The following CDKN2A variants were observed in gnomAD, a reference collection of about 807,000 sequenced individuals.
The protein encoded by CDKN2A is cyclin dependent kinase inhibitor 2A.
CDKN2A carries 3 observed loss-of-function variants against 11.1 expected under a neutral mutation model. That is an observed-to-expected ratio of 0.27 (90% CI 0.12 to 0.70). The LOEUF is 0.70. Among genes scored for constraint, CDKN2A ranks in the 30% least tolerant of loss-of-function variants. The pLI is 0.77. For missense variants in CDKN2A, 265 were observed against 233.6 expected (o/e 1.13, Z -0.88); for synonymous variants, 122 against 108.1 (o/e 1.13, Z -0.80).
At chr9:21,989,619 G>C (rs997518722) in intron 2 of CDKN2A, 2 of 152,160 alleles carry the variant, frequency 1.3e-5, no homozygotes, top group African/African-American at 4.8e-5. Flanking sequence ...GTTCCTCCGG[G>C]TAACCCTGAC....
At position 21,983,387 on chromosome 9, in the gene CDKN2A, G is replaced by A. The variant is rs576314872; in HGVS notation, c.-4+10495C>T. Among the ~76,000 whole-genome samples, 10 of 151,998 alleles carry A rather than the reference G, an allele frequency of 6.6e-5. No individual in the cohort carries two copies. The South Asian group carries it at 1.9e-3, about 28-fold the overall frequency. ...TGTGAATATTATGCAATTTTGAAAT[G>A]AGCTTTTTCTAACTTATTACAGCAT... On this transcript the variant is annotated intron_variant, in intron 2 of 3. Coordinates refer to the CDKN2A transcript ENST00000494262.
chr9:21,985,410 A>G (rs921666033), intron 2 of CDKN2A, among the ~76,000 whole-genome samples: 1 of 151,962 alleles, frequency 6.6e-6, no homozygotes, highest in Non-Finnish European at 1.5e-5. Flanking sequence ...TAAGGATGAC[A>G]GTAATGTTTC....
At chr9:21,986,402 T>C (rs888986012) in intron 2 of CDKN2A, among the ~76,000 whole-genome samples, 2 of 152,060 alleles carry the variant, frequency 1.3e-5, no homozygotes, top group Admixed American at 1.3e-4. Flanking sequence ...CTGTGACTTA[T>C]ACGGCTGATG....
chr9:21,974,880 G>A (rs1213704914), upstream of CDKN2A: 4 of 1,470,362 alleles, frequency 2.7e-6, no homozygotes, highest in Admixed American at 2.6e-5. This position sits in a 1 kb window ranked among gnomAD's most constrained non-coding sequence, Gnocchi z 5.2. Context: ...GCCGCCGAGC[G>A]CACGCGGTCC....
In CDKN2A at chr9:21,974,695, CG is replaced by C. The variant is rs1131691187; in HGVS notation, c.132del (p.Tyr44Ter). ...CTACCCACCTGGATCGGCCTCCGAC[CG>C]TAACTATTCGGTGCGTTGGGCAGCG... Reference protein sequence around the residue: ...AGALPNAPNSYGRRPIQVMMM... With the variant: ...AGALPNAPNSXGRRPIQVMMM... On this transcript the variant is annotated frameshift_variant, in exon 1 of 3. Coordinates refer to ENST00000304494, the MANE Select transcript of CDKN2A (RefSeq NM_000077.5). LOFTEE classifies it high-confidence loss of function. The surrounding 1 kb of genome is among the most constrained non-coding windows in gnomAD (Gnocchi z 5.2). 1.2e-6 allele frequency: 2 copies of C among 1,613,826 alleles called. No homozygotes were observed. Among genetic ancestry groups the C allele is most frequent in the Non-Finnish European group, 1.7e-6 (2 of 1,179,992 alleles).
At chr9:21,994,575 C>T in intron 1 of CDKN2A, 1 of 1,001,390 alleles carries the variant, frequency 1.0e-6, no homozygotes, top group Non-Finnish European at 1.3e-6. Context: ...GCTCTGAGCC[C>T]TGCGCACGCG....
In CDKN2A at chr9:21,971,456, G is replaced by A. The variant is rs1819745002; in HGVS notation, c.151-248C>T. 14 of 1,186,410 alleles carry A rather than the reference G, an allele frequency of 1.2e-5. No homozygotes were observed. The South Asian group carries it at 2.3e-4, about 20-fold the overall frequency. The allele number at this position is 1,186,410 out of a possible 1,614,324, so 73.5% of individuals were successfully genotyped here. On this transcript the variant is annotated intron_variant, in intron 1 of 2. Coordinates refer to ENST00000304494, the MANE Select transcript of CDKN2A (RefSeq NM_000077.5). ...CGTCACAGGCAGAGAGCACTGTGAG[G>A]CACGGGCAAAATAGCAAAGGGGCAG... is the stretch of plus-strand genomic sequence containing the variant.
chr9:21,968,139 GGTTGTGGCGGGGGCA>G lies in CDKN2A; in HGVS notation c.*75_*89del. ...AAATGAAAACTACGAAAGCGGGGTGGGTTGTGGCGGGGGCAGTTGTGGCCCTGTAGGACCTTCGGT... is the reference window on the plus strand; with the variant it reads ...AAATGAAAACTACGAAAGCGGGGTGGGTTGTGGCCCTGTAGGACCTTCGGT... On this transcript the variant is annotated 3_prime_UTR_variant, in exon 3 of 3. Transcript: ENST00000304494. The surrounding 1 kb of genome is among the most constrained non-coding windows in gnomAD (Gnocchi z 4.7). The G allele has an allele frequency of 9.2e-7, 1 of 1,084,418 alleles. No homozygotes were observed. Among genetic ancestry groups the G allele is most frequent in the Non-Finnish European group, 1.4e-6 (1 of 696,374 alleles). The allele number at this position is 1,084,418 out of a possible 1,614,324, so 67.2% of individuals were successfully genotyped here. A position where few individuals can be genotyped will look rare whatever the true frequency, so the allele number is the denominator to read the frequency against.
rs1819521143 is a variant in CDKN2A, at chr9:21,968,510, C to T, written c.458-268G>A. On this transcript the variant is annotated intron_variant, in intron 2 of 2. Coordinates refer to ENST00000304494, the MANE Select transcript of CDKN2A (RefSeq NM_000077.5). The surrounding 1 kb of genome is among the most constrained non-coding windows in gnomAD (Gnocchi z 4.7). ...CGGCGGAGGGCAGAGAAAGCGCGAC[C>T]GCGCGGCCCGCAGGGTTGCAAGAAG... The T allele has an allele frequency of 2.8e-6, 4 of 1,450,762 alleles. No homozygotes were observed. The highest frequency in any genetic ancestry group is 1.4e-5 in the African/African-American group (1 of 70,092). 89.9% of individuals were successfully genotyped at this position (1,450,762 alleles called of 1,614,324 possible).
rs1820362350 is a variant in CDKN2A at position 21,988,943 on chromosome 9, T to C, written c.-4+4939A>G. Among the ~76,000 whole-genome samples, 1 of 152,232 alleles carries C rather than the reference T, an allele frequency of 6.6e-6. No homozygotes were observed. The highest frequency in any genetic ancestry group is 1.5e-5 in the Non-Finnish European group (1 of 68,044). The stretch of plus-strand genomic sequence containing the variant: ...GGTCCACCAAGCCCTATCGTTCTGC[T>C]CTTTGGAAATTCTCCCTCACTTTCT... On this transcript the variant is annotated intron_variant, in intron 2 of 3. Coordinates refer to the CDKN2A transcript ENST00000494262. This position sits in a 1 kb window ranked among gnomAD's most constrained non-coding sequence, Gnocchi z 4.1.
In CDKN2A at chr9:21,970,984, A is replaced by T. The variant is rs1290057397; in HGVS notation, c.375T>A (p.Asp125Glu). The T allele has an allele frequency of 1.2e-6, 2 of 1,610,572 alleles. No homozygotes were observed. The highest frequency in any genetic ancestry group is 8.5e-7 in the Non-Finnish European group (1 of 1,180,010). The change falls in exon 2 of 3, where the codon GAT becomes GAA. Residue 125 changes from aspartate (D) to glutamate (E), a missense_variant. Asp to Glu is a conservative substitution (Grantham distance 45). Transcript: ENST00000304494. ...VDLAEELGHR[D>E]VARYLRAAAG... ...CAGCCGCGCGCAGGTACCGTGCGAC[A>T]TCGCGATGGCCCAGCTCCTCAGCCA...
intron 2 of CDKN2A, among the ~76,000 whole-genome samples, chr9:21,982,476 T>C (rs1356214565): frequency 6.7e-6 from 1 of 148,834 alleles, no homozygotes; most frequent in African/African-American, 2.4e-5. Context: ...AACTTTTTTG[T>C]AAATTTTTTT....
chr9:21,985,623 CT>C (rs1820282648), intron 2 of CDKN2A, among the ~76,000 whole-genome samples: 1 of 151,874 alleles, frequency 6.6e-6, no homozygotes, highest in Admixed American at 6.6e-5. Flanking sequence ...AGACTAATAA[CT>C]TTTTTTCCAG....
exon 2 of CDKN2A, chr9:21,994,013 A>G: frequency 9.6e-7 from 1 of 1,042,308 alleles, no homozygotes; most frequent in Admixed American, 2.0e-5. Context: ...CGAATGGGGA[A>G]GCCTCCACCG....
At chr9:21,982,605 G>T (rs557536350) in intron 2 of CDKN2A, among the ~76,000 whole-genome samples, 114 of 151,878 alleles carry the variant, frequency 7.5e-4, no homozygotes, top group Non-Finnish European at 7.1e-4. Flanking sequence ...GCACATATTT[G>T]GTATATATGT....
intron 1 of CDKN2A, among the ~76,000 whole-genome samples, chr9:21,971,855 C>T (rs1465644715): frequency 1.3e-5 from 2 of 152,062 alleles, no homozygotes; most frequent in Admixed American, 1.3e-4. Flanking sequence ...ACCTATCCAT[C>T]ATCTCAAATA....
At chr9:21,969,649 C>T (rs1422887276) in intron 2 of CDKN2A, 1 of 390,318 alleles carries the variant, frequency 2.6e-6, no homozygotes, top group Admixed American at 4.4e-5. Context: ...TTTACTCCCT[C>T]TCCCACTTGG....
In CDKN2A at chr9:21,974,796, G is replaced by A. The variant is rs1374664673; in HGVS notation, c.32C>T (p.Pro11Leu). The A allele has an allele frequency of 1.2e-6, 2 of 1,606,076 alleles. No homozygotes were observed. The highest frequency in any genetic ancestry group is 8.5e-7 in the Non-Finnish European group (1 of 1,178,814). ...GGCCGTGGCCAGCCAGTCAGCCGAA[G>A]GCTCCATGCTGCTCCCCGCCGCCGG... Reference protein sequence around the residue: MEPAAGSSMEPSADWLATAAA... With the variant: MEPAAGSSMELSADWLATAAA... Residue 11 changes from proline (P) to leucine (L), a missense_variant, in exon 1 of 3, where the codon CCT becomes CTT. By Grantham distance (98) the Pro-to-Leu change is moderately conservative. Transcript: ENST00000304494. The surrounding 1 kb of genome is among the most constrained non-coding windows in gnomAD (Gnocchi z 5.2).
In CDKN2A at chr9:21,968,728, C is replaced by T. The variant is rs189127161; in HGVS notation, c.458-486G>A. 1.4e-4 allele frequency: 212 copies of T among 1,536,184 alleles called. No homozygotes were observed. The East Asian group carries it at 2.7e-3, about 19-fold the overall frequency. On this transcript the variant is annotated intron_variant, in intron 2 of 2. Coordinates refer to ENST00000304494, the MANE Select transcript of CDKN2A (RefSeq NM_000077.5). The surrounding 1 kb of genome is among the most constrained non-coding windows in gnomAD (Gnocchi z 4.7). ...TCGGCGGAATCCCGTAGCTTCCCTA[C>T]GCATGCCTGCTTCTACAAACCCACA...
Sources: gnomAD v4.1 joint callset for allele counts (sites outside exome capture counted in the v4.1 genomes callset) on GRCh38, gnomAD v4.1.1 for gene constraint, Gnocchi (gnomAD v3.1) non-coding constraint, MANE v1.5 for transcripts, NCBI Gene and HGNC (gene_info 2026-07-23, HGNC 2026-07-21) for gene names.